The following SOHLH2 variants were observed in gnomAD, a reference collection of about 807,000 sequenced individuals.
The protein encoded by SOHLH2 is spermatogenesis- and oogenesis-specific basic helix-loop-helix-containing protein 2.
In SOHLH2, 22 loss-of-function variants were observed where a neutral mutation model predicts 50.4. The observed-to-expected ratio is 0.44, with a 90% CI of 0.31 to 0.62. The LOEUF is 0.62. Among genes scored for constraint, SOHLH2 ranks in the 20% least tolerant of loss-of-function variants. SOHLH2 has a pLI of 0.08. For missense variants in SOHLH2, 412 were observed against 504.4 expected (o/e 0.82, Z 1.76); for synonymous variants, 185 against 187.3 (o/e 0.99, Z 0.10).
chr13:36,174,545 T>C lies in SOHLH2; in HGVS notation c.812A>G (p.Asn271Ser). ...MAQITEALQS[N>S]MRFCKKQQTP... Reference sequence around the variant, plus strand: ...TTGTTGTTTCTTACAAAACCTCATGTTGCTCTGAAGTGCTTCTGTAATCTA... The same window carrying C: ...TTGTTGTTTCTTACAAAACCTCATGCTGCTCTGAAGTGCTTCTGTAATCTA... Residue 271 changes from asparagine to serine, a missense_variant, in exon 8 of 11, where the codon AAC becomes AGC. Physicochemically the swap from Asn to Ser is conservative, Grantham distance 46 (BLOSUM62 1). Transcript: ENST00000379881. 6.2e-7 allele frequency: 1 copy of C among 1,614,232 alleles called. No homozygotes were observed.
At chr13:36,171,764 T>A (rs1223232473) in intron 9 of SOHLH2, among the ~76,000 whole-genome samples, 1 of 152,190 alleles carries the variant, frequency 6.6e-6, no homozygotes, top group Non-Finnish European at 1.5e-5. Context: ...ATGTAGCGAC[T>A]GGAAAATGGC....
chr13:36,188,076 A>G (rs150158573), intron 6 of SOHLH2, among the ~76,000 whole-genome samples: 1 of 152,184 alleles, frequency 6.6e-6, no homozygotes, highest in African/African-American at 2.4e-5. Context: ...GAAAGGCTTC[A>G]GTTGACAGCC....
intron 2 of SOHLH2, among the ~76,000 whole-genome samples, chr13:36,198,399 T>G (rs1490712838): frequency 1.3e-5 from 2 of 152,204 alleles, no homozygotes; most frequent in African/African-American, 4.8e-5. Context: ...TGTGAAAACT[T>G]ATCCAAGCCA....
intron 4 of SOHLH2, 52 bp downstream of exon 4, chr13:36,193,569 T>A: frequency 1.3e-6 from 2 of 1,541,558 alleles, no homozygotes; most frequent in Non-Finnish European, 1.8e-6. Flanking sequence ...ATGAGCAGAG[T>A]TTTCAAAGAT....
At chr13:36,188,183 G>T (rs1321617808) in intron 6 of SOHLH2, among the ~76,000 whole-genome samples, 1 of 152,294 alleles carries the variant, frequency 6.6e-6, no homozygotes, top group Non-Finnish European at 1.5e-5. Context: ...TGAAAACTAT[G>T]AGTACCTCAG....
At chr13:36,194,367 T>A (rs1375789609) in intron 2 of SOHLH2, among the ~76,000 whole-genome samples, 1 of 152,252 alleles carries the variant, frequency 6.6e-6, no homozygotes, top group East Asian at 1.9e-4. Context: ...AAGTGATTAC[T>A]AATTTTCAGG....
chr13:36,187,189 T>C (rs1378171479), intron 6 of SOHLH2, among the ~76,000 whole-genome samples: 3 of 152,166 alleles, frequency 2.0e-5, no homozygotes, highest in Non-Finnish European at 4.4e-5. Flanking sequence ...TGAGTGGTTT[T>C]AGATTTTAGT....
intron 1 of SOHLH2, among the ~76,000 whole-genome samples, chr13:36,208,797 T>A (rs2138331441): frequency 6.6e-6 from 1 of 152,290 alleles, no homozygotes; most frequent in African/African-American, 2.4e-5. Context: ...TCTGAAAACA[T>A]CTTCACTGTG....
intron 2 of SOHLH2, among the ~76,000 whole-genome samples, chr13:36,195,940 C>T (rs566803423): frequency 6.6e-6 from 1 of 152,006 alleles, no homozygotes; most frequent in Non-Finnish European, 1.5e-5. Flanking sequence ...ATAGAGTTTG[C>T]CTGGCCAACC....
Position 36,180,606 on chromosome 13 carries a change from ATTTT to A in SOHLH2, c.642-5741_642-5738del, listed in dbSNP as rs143552466. Among the ~76,000 whole-genome samples the A allele has an allele frequency of 3.0e-5, 4 of 133,224 alleles. 1 individual carries two copies. The highest frequency in any genetic ancestry group is 1.1e-4 in the African/African-American group (4 of 36,022). 87.4% of individuals were successfully genotyped at this position (133,224 alleles called of 152,430 possible). A position where few individuals can be genotyped will look rare whatever the true frequency, so the allele number is the denominator to read the frequency against. On this transcript the variant is annotated intron_variant, in intron 6 of 10. Coordinates refer to ENST00000379881, the MANE Select transcript of SOHLH2 (RefSeq NM_017826.3). ...GAAATATTTTCTAATTTTTCTTGTG[ATTTT>A]TTTTTTTTGTTTTACCCATGGATTA...
intron 6 of SOHLH2, chr13:36,182,390 G>T: frequency 5.1e-6 from 3 of 583,086 alleles, no homozygotes; most frequent in Non-Finnish European, 6.5e-6. Flanking sequence ...ATCTTCACTG[G>T]CCTGTGCCTG....
Position 36,168,827 on chromosome 13 carries a change from G to A in SOHLH2, c.*207C>T. On this transcript the variant is annotated 3_prime_UTR_variant, in exon 11 of 11. Transcript: ENST00000379881. Reference sequence around the variant, plus strand: ...CGGGGATCCAAGTGTGTATGAAGATGAGTGACAGTGTGTGGCCAGCTTTTT... The same window carrying A: ...CGGGGATCCAAGTGTGTATGAAGATAAGTGACAGTGTGTGGCCAGCTTTTT... 1 of 731,866 alleles carries A rather than the reference G, an allele frequency of 1.4e-6. No individual in the cohort carries two copies. Among genetic ancestry groups the A allele is most frequent in the Non-Finnish European group, 2.0e-6 (1 of 492,892 alleles). 45.3% of individuals were successfully genotyped at this position (731,866 alleles called of 1,614,324 possible). A position where few individuals can be genotyped will look rare whatever the true frequency, so the allele number is the denominator to read the frequency against.
rs151079399 is a variant in SOHLH2, at chr13:36,174,323, G to A, written c.881+153C>T. ...TATTACCTGTGTTTATCACTGCAAC[G>A]AAATGATACACATCGGCAATTAGAA... On this transcript the variant is annotated intron_variant, in intron 8 of 10. Transcript: ENST00000379881. Among the ~76,000 whole-genome samples the A allele has an allele frequency of 1.4e-3, 209 of 152,324 alleles. No homozygotes were observed. In the Middle Eastern group the frequency reaches 0.031, roughly 22 times the overall value.
Position 36,168,842 on chromosome 13 carries a change from G to C in SOHLH2, c.*192C>G. ...GTATGAAGATGAGTGACAGTGTGTG[G>C]CCAGCTTTTTCGCTGCTGGTCTTTC... is the stretch of plus-strand genomic sequence containing the variant. On this transcript the variant is annotated 3_prime_UTR_variant, in exon 11 of 11. Coordinates refer to ENST00000379881, the MANE Select transcript of SOHLH2 (RefSeq NM_017826.3). 2 of 910,880 alleles carry C rather than the reference G, an allele frequency of 2.2e-6. No individual in the cohort carries two copies. The highest frequency in any genetic ancestry group is 3.1e-6 in the Non-Finnish European group (2 of 652,776). The allele number at this position is 910,880 out of a possible 1,614,324, so 56.4% of individuals were successfully genotyped here. A position where few individuals can be genotyped will look rare whatever the true frequency, so the allele number is the denominator to read the frequency against.
At chr13:36,210,312 G>A (rs1566048488) in intron 1 of SOHLH2, among the ~76,000 whole-genome samples, 2 of 152,022 alleles carry the variant, frequency 1.3e-5, no homozygotes. Context: ...CATTGAGCCT[G>A]GACTATCACT....
chr13:36,202,140 T>C (rs1198007556), intron 1 of SOHLH2, 47 bp from the exon 2 acceptor site: 3 of 1,604,282 alleles, frequency 1.9e-6, no homozygotes, highest in South Asian at 2.2e-5. Flanking sequence ...TGCCTAGGCA[T>C]AGGGAAAATG....
At chr13:36,176,924 C>A (rs1022048235) in intron 6 of SOHLH2, among the ~76,000 whole-genome samples, 7 of 151,952 alleles carry the variant, frequency 4.6e-5, no homozygotes, top group African/African-American at 1.7e-4. Flanking sequence ...CTACATAAAA[C>A]AAAAATGCAC....
intron 2 of SOHLH2, among the ~76,000 whole-genome samples, chr13:36,199,935 T>C (rs895224326): frequency 6.6e-6 from 1 of 152,186 alleles, no homozygotes; most frequent in East Asian, 1.9e-4. Flanking sequence ...ACCATATCTA[T>C]GTTTGATATA....
At chr13:36,173,881 G>A (rs1420231123) in intron 8 of SOHLH2, 71 bp from the exon 9 acceptor site, 3 of 1,547,736 alleles carry the variant, frequency 1.9e-6, no homozygotes, top group East Asian at 2.3e-5. Flanking sequence ...GAGTTCAATT[G>A]CCCTTTTATC....
Sources: allele counts gnomAD v4.1 joint callset (sites outside exome capture counted in the v4.1 genomes callset), GRCh38; gene constraint gnomAD v4.1.1; transcripts MANE v1.5; gene names NCBI Gene and HGNC (gene_info 2026-07-23, HGNC 2026-07-21).